PDE10A: variants seen among roughly 807,000 people sequenced by gnomAD.
PDE10A encodes the protein cAMP and cAMP-inhibited cGMP 3',5'-cyclic phosphodiesterase 10A.
Under a neutral mutation model 97.7 loss-of-function variants are expected in PDE10A, and 39 were observed. The observed-to-expected ratio is 0.40, with a 90% confidence interval of 0.31 to 0.52. The LOEUF is 0.52. PDE10A is among the 20% of genes least tolerant of loss of function. The pLI, the probability that PDE10A is intolerant of heterozygous loss-of-function variation, is 0.56. For missense variants in PDE10A, 731 were observed against 1,047.8 expected, an observed-to-expected ratio of 0.70 and a Z score of 4.17; for synonymous variants, 371 against 376.8, an observed-to-expected ratio of 0.98 and a Z score of 0.18.
At chr6:165,482,530 A>G (rs1779666804) in intron 2 of PDE10A, among the ~76,000 whole-genome samples, 187 bp from the exon 3 acceptor site, 1 of 152,246 alleles carries the variant, frequency 6.6e-6, no homozygotes, top group South Asian at 2.1e-4. Context: ...TAAGAAGTAT[A>G]CATTAATTTC....
intron 15 of PDE10A, among the ~76,000 whole-genome samples, chr6:165,393,543 T>G (rs1484834738): frequency 6.6e-6 from 1 of 151,824 alleles, no homozygotes; most frequent in African/African-American, 2.4e-5. Context: ...AAAAAAAAAG[T>G]AACCTGTGTT....
At chr6:165,967,323 C>A (rs865944898) in intron 1 of PDE10A, among the ~76,000 whole-genome samples, 174 of 152,250 alleles carry the variant, frequency 1.1e-3, no homozygotes, top group African/African-American at 3.9e-3. Flanking sequence ...ATGGTGAAAC[C>A]CCACCTCTAC....
intron 1 of PDE10A, among the ~76,000 whole-genome samples, chr6:165,717,048 C>A (rs560705760): frequency 6.6e-6 from 1 of 152,282 alleles, no homozygotes; most frequent in South Asian, 2.1e-4. Context: ...TGTTTCTATA[C>A]AATTGACTTC....
At chr6:165,912,570 C>A (rs1350452836) in intron 1 of PDE10A, among the ~76,000 whole-genome samples, 1 of 152,220 alleles carries the variant, frequency 6.6e-6, no homozygotes, top group East Asian at 1.9e-4. Context: ...ATGGCCTAAG[C>A]ACAGTGCTGA....
At chr6:165,565,069 T>TA (rs1232826745) in intron 1 of PDE10A, among the ~76,000 whole-genome samples, 1 of 152,126 alleles carries the variant, frequency 6.6e-6, no homozygotes, top group African/African-American at 2.4e-5. Flanking sequence ...ATTCCATTCA[T>TA]AAAGTAGCCA....
chr6:165,588,519 G>A (rs1373671216), intron 1 of PDE10A, among the ~76,000 whole-genome samples: 1 of 151,858 alleles, frequency 6.6e-6, no homozygotes, highest in Non-Finnish European at 1.5e-5. Context: ...TCGAACTCCC[G>A]ACCTCAGGTG....
chr6:165,947,902 C>T (rs1201353508), intron 1 of PDE10A, among the ~76,000 whole-genome samples: 1 of 152,068 alleles, frequency 6.6e-6, no homozygotes, highest in Non-Finnish European at 1.5e-5. Context: ...TCTGAAAGGG[C>T]AGCGTTAGGT....
Position 165,610,271 on chromosome 6 carries a change from C to A in PDE10A, c.865+51676G>T, listed in dbSNP as rs549497856. ...CAAGAAATGGGGAAACGGCCAGGCC[C>A]GGTGGCTCACGCCTGTAATCCCAGC... is the stretch of plus-strand genomic sequence containing the variant. On this transcript the variant is annotated intron_variant, in intron 1 of 21. Transcript: ENST00000539869. Among the ~76,000 whole-genome samples the A allele has an allele frequency of 6.1e-4, 93 of 152,246 alleles. 3 individuals carry two copies. The South Asian group carries it at 0.019, about 31-fold the overall frequency.
At chr6:165,924,164 G>A (rs1782849531) in intron 1 of PDE10A, among the ~76,000 whole-genome samples, 1 of 152,174 alleles carries the variant, frequency 6.6e-6, no homozygotes, top group Non-Finnish European at 1.5e-5. Context: ...AGATCTCTCT[G>A]TGTGTACAAT....
intron 1 of PDE10A, among the ~76,000 whole-genome samples, chr6:165,544,820 AACACAC>A (rs35620564): frequency 6.7e-6 from 1 of 150,004 alleles, no homozygotes; most frequent in African/African-American, 2.4e-5. Context: ...AGTCAATTTA[AACACAC>A]ACACACACAC....
chr6:165,395,663 T>C (rs1583190075), intron 14 of PDE10A, among the ~76,000 whole-genome samples: 1 of 152,290 alleles, frequency 6.6e-6, no homozygotes, highest in East Asian at 1.9e-4. Flanking sequence ...GAGATAACAA[T>C]TTCACTAATA....
chr6:165,912,834 C>T (rs984891413), intron 1 of PDE10A, among the ~76,000 whole-genome samples: 71 of 152,262 alleles, frequency 4.7e-4, no homozygotes, highest in African/African-American at 1.7e-3. Flanking sequence ...GTATAAGCAA[C>T]TGTTTAGTAT....
At chr6:165,679,260 C>T (rs1392374904) in intron 1 of PDE10A, among the ~76,000 whole-genome samples, 1 of 152,176 alleles carries the variant, frequency 6.6e-6, no homozygotes, top group Non-Finnish European at 1.5e-5. Flanking sequence ...GAACTAATGT[C>T]GGCAGATAAA....
intron 1 of PDE10A, among the ~76,000 whole-genome samples, chr6:165,960,457 A>G (rs1784322273): frequency 1.3e-5 from 2 of 152,294 alleles, no homozygotes; most frequent in South Asian, 2.1e-4. Flanking sequence ...ATGGCATCAC[A>G]TCTTCCCAGA....
At chr6:165,841,862 G>T (rs952687254) in intron 1 of PDE10A, among the ~76,000 whole-genome samples, 1 of 152,198 alleles carries the variant, frequency 6.6e-6, no homozygotes, top group African/African-American at 2.4e-5. Flanking sequence ...TGGGGCTTCA[G>T]TTATCTCAAC....
rs1562686771 is a variant in PDE10A, at chr6:165,691,075, T to TC, written c.-614-147508_-614-147507insG. ...CCTTACAGTAATACTCTCTCTCTCT[T>TC]TCTCTCTCTCTCTCTCTCTCTCTTT... On this transcript the variant is annotated intron_variant, in intron 1 of 19. Coordinates refer to the PDE10A transcript ENST00000366882. 5.0e-3 allele frequency among the ~76,000 whole-genome samples: 253 copies of TC among 50,402 alleles called. 11 individuals carry two copies. Among genetic ancestry groups the TC allele is most frequent in the Middle Eastern group, 0.02 (2 of 102 alleles). 33.1% of individuals were successfully genotyped at this position (50,402 alleles called of 152,430 possible).
At chr6:165,542,622 T>G (rs1467428721) in intron 2 of PDE10A, among the ~76,000 whole-genome samples, 1 of 128,970 alleles carries the variant, frequency 7.8e-6, no homozygotes, top group African/African-American at 3.5e-5. Flanking sequence ...CTTTTTTTTT[T>G]TTTTTTTTTT....
chr6:165,936,739 C>T (rs1403778492), intron 1 of PDE10A, among the ~76,000 whole-genome samples: 1 of 152,158 alleles, frequency 6.6e-6, no homozygotes, highest in Non-Finnish European at 1.5e-5. Context: ...ACCATGTTGG[C>T]AAAAGAAAGG....
intron 1 of PDE10A, among the ~76,000 whole-genome samples, chr6:165,852,950 T>A (rs1780613180): frequency 6.6e-6 from 1 of 152,262 alleles, no homozygotes; most frequent in Non-Finnish European, 1.5e-5. Flanking sequence ...CTCTGCACAT[T>A]TGTGACTTCA....
Sources: gnomAD v4.1 joint callset for allele counts (sites outside exome capture counted in the v4.1 genomes callset) on GRCh38, gnomAD v4.1.1 for gene constraint, MANE v1.5 for transcripts, NCBI Gene and HGNC (gene_info 2026-07-23, HGNC 2026-07-21) for gene names.